UTRN: variants seen among roughly 807,000 people sequenced by gnomAD.
UTRN encodes the protein utrophin, also known as dystrophin-related protein 1.
In UTRN, 283 loss-of-function variants were observed where a neutral mutation model predicts 463.9. The ratio of observed to expected loss-of-function variants is 0.61; its 90% CI spans 0.55 to 0.67. The LOEUF is 0.67. Among genes scored for constraint, UTRN ranks in the 30% least tolerant of loss-of-function variants. The probability of loss-of-function intolerance (pLI) is 0.00; values close to 1 mark genes in which losing one functional copy is unlikely to be tolerated. For synonymous variants in UTRN, 1,442 were observed against 1,431.5 expected (o/e 1.01, Z -0.17); for missense variants, 3,922 against 4,084.3 (o/e 0.96, Z 1.08).
At chr6:144,756,480 G>A (rs575642842) in intron 57 of UTRN, among the ~76,000 whole-genome samples, 57 of 152,254 alleles carry the variant, frequency 3.7e-4, no homozygotes, top group African/African-American at 1.2e-3. Context: ...TTATTAAAAT[G>A]AGTGGGGAAG....
At chr6:144,625,304 A>T (rs1001211306) in intron 51 of UTRN, among the ~76,000 whole-genome samples, 2 of 152,374 alleles carry the variant, frequency 1.3e-5, no homozygotes, top group Admixed American at 1.3e-4. Context: ...TCAATATTTT[A>T]GATACCCTTA....
rs761648944 is a variant in UTRN, at chr6:144,551,093, T to TA, written c.6928+18dup. ...CAATTACAGAAAAATGTAAGTTTTT[T>TA]AAAAAAAGTTATGTATTATCATCCA... is the stretch of plus-strand genomic sequence containing the variant. On this transcript the variant is annotated intron_variant, in intron 48 of 74. Coordinates refer to ENST00000367545, the MANE Select transcript of UTRN (RefSeq NM_007124.3). 2.5e-6 allele frequency: 4 copies of TA among 1,582,218 alleles called. No homozygotes were observed. The highest frequency in any genetic ancestry group is 2.6e-6 in the Non-Finnish European group (3 of 1,164,920).
intron 51 of UTRN, among the ~76,000 whole-genome samples, chr6:144,654,952 G>A (rs1779177564): frequency 6.7e-6 from 1 of 149,656 alleles, no homozygotes; most frequent in South Asian, 2.2e-4. Context: ...AGCTCTTTGA[G>A]CCTCTTTGAA....
At chr6:144,488,988 C>T (rs1249316994) in intron 30 of UTRN, among the ~76,000 whole-genome samples, 154 bp downstream of exon 30, 1 of 152,058 alleles carries the variant, frequency 6.6e-6, no homozygotes, top group East Asian at 1.9e-4. Context: ...TTGGAGTTCT[C>T]TTGCTTTCTA....
At chr6:144,413,184 T>A (rs1178836443) in intron 3 of UTRN, among the ~76,000 whole-genome samples, 1 of 152,226 alleles carries the variant, frequency 6.6e-6, no homozygotes, top group African/African-American at 2.4e-5. Context: ...GATGTTTTAC[T>A]CATTGATGGA....
chr6:144,362,459 A>G (rs1184912497), intron 2 of UTRN, among the ~76,000 whole-genome samples: 3 of 152,220 alleles, frequency 2.0e-5, no homozygotes, highest in Admixed American at 2.0e-4. Context: ...AGGTCATTGC[A>G]TGGTCTTCAG....
chr6:144,604,209 A>G (rs1804573818), intron 51 of UTRN, among the ~76,000 whole-genome samples: 1 of 152,160 alleles, frequency 6.6e-6, no homozygotes, highest in African/African-American at 2.4e-5. Flanking sequence ...TTGCCTACAC[A>G]TGTATAAGGT....
Position 144,372,275 on chromosome 6 carries a change from T to G in UTRN, c.80-30848T>G, listed in dbSNP as rs183372884. On this transcript the variant is annotated intron_variant, in intron 2 of 74. Transcript: ENST00000367545. Reference sequence around the variant, plus strand: ...GATGCCTGGGGGCAGATTGCCTGGGTTGGACTCTGCTCCAGTTCTTATTAG... The same window carrying G: ...GATGCCTGGGGGCAGATTGCCTGGGGTGGACTCTGCTCCAGTTCTTATTAG... Among the ~76,000 whole-genome samples, 422 of 152,370 alleles carry G rather than the reference T, an allele frequency of 2.8e-3. 3 individuals are homozygous for G. Among genetic ancestry groups the G allele is most frequent in the Middle Eastern group, 0.014 (4 of 294 alleles).
intron 65 of UTRN, among the ~76,000 whole-genome samples, chr6:144,809,913 C>T (rs1778464028): frequency 6.6e-6 from 1 of 151,902 alleles, no homozygotes; most frequent in Non-Finnish European, 1.5e-5. Context: ...GAAAAGCATA[C>T]GAATTGATTT....
chr6:144,754,566 T>A, intron 56 of UTRN, 154 bp from the exon 57 acceptor site: 6 of 253,428 alleles, frequency 2.4e-5, no homozygotes, highest in Non-Finnish European at 3.7e-5. Flanking sequence ...ATTACTCTGA[T>A]ACCAGAGACA....
intron 51 of UTRN, among the ~76,000 whole-genome samples, chr6:144,601,948 C>T (rs35524567): frequency 0.15 from 23,266 of 152,024 alleles, 2,029 homozygotes; most frequent in South Asian, 0.27. Context: ...CCCAGATAGA[C>T]AATCGTTAGC....
intron 50 of UTRN, among the ~76,000 whole-genome samples, chr6:144,564,434 G>A (rs577702976): frequency 6.6e-5 from 10 of 152,222 alleles, no homozygotes; most frequent in African/African-American, 1.7e-4. Context: ...CTTGAGATGC[G>A]GTAGGAGAGG....
chr6:144,475,530 T>A (rs1791101330), intron 25 of UTRN, among the ~76,000 whole-genome samples: 1 of 152,220 alleles, frequency 6.6e-6, no homozygotes, highest in Non-Finnish European at 1.5e-5. Flanking sequence ...ATTTCAAGTA[T>A]GATATTACAC....
chr6:144,307,091 A>T (rs1239961279), intron 2 of UTRN, among the ~76,000 whole-genome samples: 1 of 151,952 alleles, frequency 6.6e-6, no homozygotes, highest in Non-Finnish European at 1.5e-5. Context: ...GAACTGTTGC[A>T]TATTTTATTT....
At chr6:144,608,332 C>A (rs1371846481) in intron 51 of UTRN, among the ~76,000 whole-genome samples, 1 of 152,132 alleles carries the variant, frequency 6.6e-6, no homozygotes, top group Non-Finnish European at 1.5e-5. Context: ...ATTTGTCAAG[C>A]CTTTGCAATC....
At chr6:144,401,428 G>A (rs1291076508) in intron 2 of UTRN, among the ~76,000 whole-genome samples, 2 of 152,102 alleles carry the variant, frequency 1.3e-5, no homozygotes, top group East Asian at 3.9e-4. Flanking sequence ...AGATGGTAAA[G>A]GGTCATTCAC....
chr6:144,458,920 A>G lies in UTRN; in HGVS notation c.2435A>G (p.Lys812Arg). 1 of 1,613,926 alleles carries G rather than the reference A, an allele frequency of 6.2e-7. No homozygotes were observed. The highest frequency in any genetic ancestry group is 2.2e-5 in the East Asian group (1 of 44,880). ...AYFKQLDELEKVIKTKEEWVK... is the reference protein window; with the variant it reads ...AYFKQLDELERVIKTKEEWVK... The stretch of plus-strand genomic sequence containing the variant: ...TTCAAGCAGCTTGATGAGCTTGAAA[A>G]GGTCATCAAGACAAAGGAGGAGTGG... Residue 812 changes from lysine (K) to arginine (R), a missense_variant, in exon 20 of 75, where the codon AAG (lysine) becomes AGG (arginine). Lys to Arg is a conservative substitution (Grantham distance 26). Transcript: ENST00000367545.
At chr6:144,508,031 A>T (rs1794833757) in intron 34 of UTRN, among the ~76,000 whole-genome samples, 1 of 152,062 alleles carries the variant, frequency 6.6e-6, no homozygotes, top group South Asian at 2.1e-4. Flanking sequence ...GGCTTTGTTT[A>T]CACTGTGAGG....
At chr6:144,582,350 C>T (rs928952457) in intron 51 of UTRN, among the ~76,000 whole-genome samples, 1 of 152,156 alleles carries the variant, frequency 6.6e-6, no homozygotes, top group Non-Finnish European at 1.5e-5. Flanking sequence ...TGGCTGTGCT[C>T]TTTGACCCAG....
Sources: gnomAD v4.1 joint callset for allele counts (sites outside exome capture counted in the v4.1 genomes callset) on GRCh38, gnomAD v4.1.1 for gene constraint, MANE v1.5 for transcripts, NCBI Gene and HGNC (gene_info 2026-07-23, HGNC 2026-07-21) for gene names.